The following VWA8 variants were observed in gnomAD, a reference collection of about 807,000 sequenced individuals.
VWA8 encodes the protein von Willebrand factor A domain-containing protein 8.
Under a neutral mutation model 241.5 loss-of-function variants are expected in VWA8, and 221 were observed. That is an observed-to-expected ratio of 0.91 (90% CI 0.82 to 1.02). The LOEUF is 1.02. Ranked by LOEUF, VWA8 falls within the 50% of genes least tolerant of loss-of-function variation. The pLI is 0.00. For missense variants in VWA8, 2,322 were observed against 2,328.7 expected (o/e 1.00, Z 0.06); for synonymous variants, 852 against 827.1 (o/e 1.03, Z -0.52).
chr13:41,848,648 A>G (rs539474403), intron 12 of VWA8, among the ~76,000 whole-genome samples: 2 of 152,274 alleles, frequency 1.3e-5, no homozygotes, highest in South Asian at 4.1e-4. Flanking sequence ...CATGATTGTA[A>G]GTTTTCTGAG....
chr13:41,594,479 T>C (rs1328171409), intron 40 of VWA8, among the ~76,000 whole-genome samples: 1 of 152,154 alleles, frequency 6.6e-6, no homozygotes, highest in Non-Finnish European at 1.5e-5. Context: ...CCCCACCATC[T>C]TACCACAGAG....
intron 12 of VWA8, among the ~76,000 whole-genome samples, chr13:41,864,363 C>T (rs868399720): frequency 6.6e-6 from 1 of 152,088 alleles, no homozygotes; most frequent in Non-Finnish European, 1.5e-5. Context: ...TACTTGTATA[C>T]CACTGTTCAC....
At position 41,801,211 on chromosome 13, in the gene VWA8, G is replaced by C. The variant is rs1020382812; in HGVS notation, c.2063+10014C>G. Among the ~76,000 whole-genome samples the C allele has an allele frequency of 1.1e-4, 17 of 151,686 alleles. 1 individual carries two copies. The highest frequency in any genetic ancestry group is 1.9e-4 in the Non-Finnish European group (13 of 67,922). On this transcript the variant is annotated intron_variant, in intron 17 of 44. Coordinates refer to ENST00000379310, the MANE Select transcript of VWA8 (RefSeq NM_015058.2). The stretch of plus-strand genomic sequence containing the variant: ...TTCAACTACCAGGGCATATCTAACA[G>C]TCTGCAGAATGCTTTGAAAGTCCAA...
intron 37 of VWA8, among the ~76,000 whole-genome samples, chr13:41,645,967 T>G (rs1175304938): frequency 1.4e-5 from 2 of 142,524 alleles, no homozygotes; most frequent in African/African-American, 5.3e-5. Flanking sequence ...TTTTCCTGAT[T>G]TTTTTTTTTT....
rs1868687129 is a variant in VWA8 at position 41,777,976 on chromosome 13, A to C, written c.2349+9T>G. 1 of 1,604,686 alleles carries C rather than the reference A, an allele frequency of 6.2e-7. No homozygotes were observed. Among genetic ancestry groups the C allele is most frequent in the East Asian group, 2.2e-5 (1 of 44,460 alleles). On this transcript the variant is annotated intron_variant, in intron 20 of 44. Coordinates refer to ENST00000379310, the MANE Select transcript of VWA8 (RefSeq NM_015058.2). ...TTTCATTGGTACCTAGATTTTAGCC[A>C]TAACTCACCTGGTTGCCAACCAATA... is the stretch of plus-strand genomic sequence containing the variant.
intron 14 of VWA8, among the ~76,000 whole-genome samples, chr13:41,821,563 A>G (rs989743148): frequency 6.6e-6 from 1 of 152,174 alleles, no homozygotes; most frequent in Non-Finnish European, 1.5e-5. Context: ...GATAATGAAA[A>G]AATTATGAGA....
chr13:41,702,058 T>C (rs1374949594), intron 27 of VWA8, among the ~76,000 whole-genome samples: 2 of 152,238 alleles, frequency 1.3e-5, no homozygotes, highest in African/African-American at 4.8e-5. Context: ...TGGTGACTTA[T>C]GAAGGATAGA....
chr13:41,881,182 G>A (rs186185303), intron 9 of VWA8, among the ~76,000 whole-genome samples: 2 of 151,792 alleles, frequency 1.3e-5, no homozygotes, highest in East Asian at 3.9e-4. Flanking sequence ...ACTTCAACCT[G>A]GGAACTCCAT....
rs756845704 is a variant in VWA8 at position 41,692,947 on chromosome 13, G to T, written c.3590C>A (p.Thr1197Asn). The T allele has an allele frequency of 5.0e-6, 8 of 1,603,776 alleles. No homozygotes were observed. The Admixed American group carries it at 1.2e-4, about 24-fold the overall frequency. ...GAGACGATGAAGGGCCCGGCCAGTA[G>T]TATCTAACAACAGGATAACATTACT... ...QQSNVILLLDTTGRALHRLIL... is the reference protein window; with the variant it reads ...QQSNVILLLDNTGRALHRLIL... The change falls in exon 30 of 45, where the codon ACT (threonine) becomes AAT (asparagine). Residue 1197 changes from threonine (T) to asparagine (N), a missense_variant. Physicochemically the swap from Thr to Asn is moderately conservative, Grantham distance 65 (BLOSUM62 0). Coordinates refer to ENST00000379310, the MANE Select transcript of VWA8 (RefSeq NM_015058.2).
At chr13:41,897,469 C>A (rs977387543) in intron 4 of VWA8, among the ~76,000 whole-genome samples, 3 of 142,632 alleles carry the variant, frequency 2.1e-5, no homozygotes, top group African/African-American at 7.3e-5. Flanking sequence ...TAAATTAGTA[C>A]AGCCATTATA....
intron 21 of VWA8, among the ~76,000 whole-genome samples, chr13:41,745,034 GT>G: frequency 6.6e-6 from 1 of 151,838 alleles, no homozygotes; most frequent in Non-Finnish European, 1.5e-5. Context: ...GTAGAGACGG[GT>G]TTCACCATGT....
At chr13:41,936,018 T>C (rs1877332592) in intron 2 of VWA8, among the ~76,000 whole-genome samples, 1 of 152,152 alleles carries the variant, frequency 6.6e-6, no homozygotes, top group African/African-American at 2.4e-5. Flanking sequence ...TATGTACATT[T>C]ATCCTTTTTT....
chr13:41,779,590 T>C (rs1223834896), intron 19 of VWA8, among the ~76,000 whole-genome samples: 2 of 152,180 alleles, frequency 1.3e-5, no homozygotes, highest in Non-Finnish European at 2.9e-5. Flanking sequence ...AAGCAGAAAC[T>C]ATGTTAAGCA....
intron 36 of VWA8, among the ~76,000 whole-genome samples, chr13:41,674,235 C>T (rs914971763): frequency 5.3e-5 from 8 of 151,966 alleles, no homozygotes; most frequent in East Asian, 3.8e-4. Flanking sequence ...GCTATCATGC[C>T]GAGCTATCTT....
intron 17 of VWA8, among the ~76,000 whole-genome samples, chr13:41,806,000 AT>A (rs71200195): frequency 1.6e-4 from 19 of 120,506 alleles, no homozygotes; most frequent in Admixed American, 3.5e-4. Flanking sequence ...AAATTCAAAA[AT>A]AAAAAAAAAA....
intron 42 of VWA8, among the ~76,000 whole-genome samples, chr13:41,578,151 C>A (rs1273513573): frequency 6.6e-6 from 1 of 152,174 alleles, no homozygotes; most frequent in Non-Finnish European, 1.5e-5. Flanking sequence ...CTTCCCTCTT[C>A]CCTTTCTTTC....
chr13:41,957,400 A>T (rs1224580428), intron 1 of VWA8, among the ~76,000 whole-genome samples: 1 of 152,138 alleles, frequency 6.6e-6, no homozygotes, highest in African/African-American at 2.4e-5. Flanking sequence ...AGTCCATGAA[A>T]CCTCTTTTTC....
At chr13:41,686,857 C>T (rs1007569136) in intron 34 of VWA8, among the ~76,000 whole-genome samples, 1 of 152,078 alleles carries the variant, frequency 6.6e-6, no homozygotes, top group African/African-American at 2.4e-5. Flanking sequence ...ACATACTTCA[C>T]CTTACTTGGG....
chr13:41,738,565 C>T (rs1414416440), intron 21 of VWA8, among the ~76,000 whole-genome samples: 2 of 152,070 alleles, frequency 1.3e-5, no homozygotes, highest in Non-Finnish European at 2.9e-5. Flanking sequence ...TTTTAACTAC[C>T]TAAAAATTTT....
Sources: gnomAD v4.1 joint callset for allele counts (sites outside exome capture counted in the v4.1 genomes callset) on GRCh38, gnomAD v4.1.1 for gene constraint, MANE v1.5 for transcripts, NCBI Gene and HGNC (gene_info 2026-07-23, HGNC 2026-07-21) for gene names.